The following LONP2 variants were observed in gnomAD, a reference collection of about 807,000 sequenced individuals.
LONP2 encodes the protein lon peptidase 2, peroxisomal.
In LONP2, 60 loss-of-function variants were observed where a neutral mutation model predicts 85.6. That is an observed-to-expected ratio of 0.70 (90% CI 0.57 to 0.87). The LOEUF is 0.87. Among genes scored for constraint, LONP2 ranks in the 40% least tolerant of loss-of-function variants. The pLI is 0.00. For missense variants in LONP2, 860 were observed against 1,063.5 expected (o/e 0.81, Z 2.66); for synonymous variants, 395 against 389.7 (o/e 1.01, Z -0.16).
chr16:48,278,296 G>A (rs4528570), intron 8 of LONP2, among the ~76,000 whole-genome samples: 31,597 of 151,884 alleles, frequency 0.21, 4,048 homozygotes, highest in African/African-American at 0.36. Context: ...TTAAGCGTCC[G>A]GTCTGAACTG....
Position 48,244,452 on chromosome 16 carries a change from G to A in LONP2, c.64G>A (p.Val22Ile). 1.3e-6 allele frequency: 2 copies of A among 1,595,378 alleles called. No individual in the cohort carries two copies. Among genetic ancestry groups the A allele is most frequent in the Non-Finnish European group, 1.7e-6 (2 of 1,175,304 alleles). Residue 22 changes from valine to isoleucine, a missense_variant, in exon 1 of 15, where the codon GTC (valine) becomes ATC (isoleucine). Val to Ile is a conservative substitution (Grantham distance 29). Around this residue, in one of 3 missense-constraint regions of LONP2, gnomAD observed 743 missense variants for 917.3 expected, o/e 0.81. Coordinates refer to ENST00000285737, the MANE Select transcript of LONP2 (RefSeq NM_031490.5). The stretch of plus-strand genomic sequence containing the variant: ...CCCGCTGCTGCTCACCCACGAGGGC[G>A]TCCTGCTGCCCGGCTCCACCATGCG... ...RLPLLLTHEG[V>I]LLPGSTMRTS... is the part of the protein sequence containing the mutation.
Position 48,296,064 on chromosome 16 carries a change from T to C in LONP2, c.1433T>C (p.Val478Ala), listed in dbSNP as rs755615547. 1 of 1,614,196 alleles carries C rather than the reference T, an allele frequency of 6.2e-7. No homozygotes were observed. Among genetic ancestry groups the C allele is most frequent in the South Asian group, 1.1e-5 (1 of 91,088 alleles). Residue 478 changes from valine (V) to alanine (A), a missense_variant, in exon 9 of 15, where the codon GTG becomes GCG. Coordinates refer to ENST00000285737, the MANE Select transcript of LONP2 (RefSeq NM_031490.5). ...AACTTCACAGATCATTATCTAAATGTGGCCTTTGACCTTTCTCAAGTTCTT... is the reference window on the plus strand; with the variant it reads ...AACTTCACAGATCATTATCTAAATGCGGCCTTTGACCTTTCTCAAGTTCTT... The part of the protein sequence containing the change: ...NHNFTDHYLN[V>A]AFDLSQVLFI...
At chr16:48,337,675 T>G (rs1959693530) in intron 12 of LONP2, among the ~76,000 whole-genome samples, 1 of 152,160 alleles carries the variant, frequency 6.6e-6, no homozygotes, top group African/African-American at 2.4e-5. Flanking sequence ...CGTCTGTTCT[T>G]TGCACCTCAC....
chr16:48,348,487 C>CTTTTTTT (rs34729067), intron 14 of LONP2, among the ~76,000 whole-genome samples, 197 bp downstream of exon 14: 20 of 112,804 alleles, frequency 1.8e-4, no homozygotes, highest in Admixed American at 3.8e-4. Flanking sequence ...TCACATTTTC[C>CTTTTTTT]TTTTTTTTTT....
chr16:48,340,511 C>T (rs1396585333), intron 12 of LONP2, among the ~76,000 whole-genome samples: 2 of 152,172 alleles, frequency 1.3e-5, no homozygotes, highest in Admixed American at 6.5e-5. Flanking sequence ...GATGAATCTA[C>T]AAAAATATAT....
chr16:48,268,976 C>A (rs934485784), intron 6 of LONP2, among the ~76,000 whole-genome samples: 4 of 152,124 alleles, frequency 2.6e-5, no homozygotes, highest in African/African-American at 9.7e-5. Context: ...TCTTTCACTG[C>A]CAGCATGATC....
intron 6 of LONP2, among the ~76,000 whole-genome samples, chr16:48,265,662 T>A (rs762925533): frequency 1.3e-5 from 2 of 152,234 alleles, no homozygotes; most frequent in Non-Finnish European, 2.9e-5. Flanking sequence ...GTCTGGTGCC[T>A]CCACGTTTGT....
chr16:48,335,667 A>T (rs903510830), intron 12 of LONP2, among the ~76,000 whole-genome samples: 2 of 152,240 alleles, frequency 1.3e-5, no homozygotes, highest in African/African-American at 4.8e-5. Context: ...TGAAATCATT[A>T]CCAGTAGATA....
At chr16:48,348,025 T>A in intron 13 of LONP2, 75 bp from the exon 14 acceptor site, 2 of 1,357,366 alleles carry the variant, frequency 1.5e-6, no homozygotes, top group South Asian at 2.6e-5. Context: ...CATTTTTGTT[T>A]GTGACTTTTT....
intron 11 of LONP2, among the ~76,000 whole-genome samples, chr16:48,324,526 A>G (rs1320713131): frequency 6.6e-6 from 1 of 152,242 alleles, no homozygotes; most frequent in Non-Finnish European, 1.5e-5. Context: ...TTGTTACATA[A>G]TTACTTTTCA....
downstream of LONP2, among the ~76,000 whole-genome samples, chr16:48,360,235 G>A (rs1960528385): frequency 1.3e-5 from 2 of 151,548 alleles, no homozygotes; most frequent in Admixed American, 6.6e-5. Context: ...TAGCCACTAG[G>A]CTATGAAATA....
chr16:48,344,373 G>A (rs1384151619), intron 12 of LONP2: 1 of 152,158 alleles, frequency 6.6e-6, no homozygotes, highest in African/African-American at 2.4e-5. Context: ...TCTCCCCACT[G>A]TGTATATAGA....
intron 12 of LONP2, among the ~76,000 whole-genome samples, chr16:48,341,030 A>G (rs773211452): frequency 2.0e-5 from 3 of 151,978 alleles, no homozygotes; most frequent in Admixed American, 6.6e-5. Context: ...GGCCAGGTGC[A>G]TTGGCTCACA....
chr16:48,264,669 A>G (rs1321767459), intron 6 of LONP2, among the ~76,000 whole-genome samples: 2 of 152,252 alleles, frequency 1.3e-5, no homozygotes, highest in South Asian at 2.1e-4. Context: ...GGAAATCACA[A>G]GAGTATTGAT....
chr16:48,304,657 T>A (rs899082986), intron 11 of LONP2, among the ~76,000 whole-genome samples: 3 of 152,128 alleles, frequency 2.0e-5, no homozygotes, highest in African/African-American at 7.2e-5. Flanking sequence ...TGAGCAAAGG[T>A]CATGCCCACT....
chr16:48,307,778 G>A (rs779652202), intron 11 of LONP2, among the ~76,000 whole-genome samples: 1 of 152,176 alleles, frequency 6.6e-6, no homozygotes, highest in Non-Finnish European at 1.5e-5. Context: ...ATTTTGCTGT[G>A]CTACAAAGGA....
intron 8 of LONP2, among the ~76,000 whole-genome samples, chr16:48,288,431 G>T (rs542826968): frequency 1.4e-4 from 21 of 152,074 alleles, no homozygotes; most frequent in Non-Finnish European, 2.9e-4. Context: ...GGTATTACAG[G>T]CATGAGCCAC....
intron 10 of LONP2, among the ~76,000 whole-genome samples, chr16:48,301,729 T>C (rs1043768559): frequency 6.6e-6 from 1 of 152,222 alleles, no homozygotes; most frequent in African/African-American, 2.4e-5. Flanking sequence ...AGATACTCTT[T>C]CTATTCACTT....
At chr16:48,304,757 TG>T (rs1193676841) in intron 11 of LONP2, among the ~76,000 whole-genome samples, 1 of 152,176 alleles carries the variant, frequency 6.6e-6, no homozygotes, top group Non-Finnish European at 1.5e-5. Flanking sequence ...GCCCCAAAAC[TG>T]TAAGGGGTCT....
Sources: allele counts gnomAD v4.1 joint callset (sites outside exome capture counted in the v4.1 genomes callset), GRCh38; gene constraint gnomAD v4.1.1; regional missense constraint gnomAD v4.1.1; transcripts MANE v1.5; gene names NCBI Gene and HGNC (gene_info 2026-07-23, HGNC 2026-07-21).